Variants in HOATZ observed in about 807,000 individuals in gnomAD.
HOATZ encodes the protein HOATZ cilia and flagella associated protein, also known as cilia- and flagella-associated protein HOATZ.
A neutral mutation model predicts 24.9 loss-of-function variants in HOATZ; 26 were observed. The ratio of observed to expected loss-of-function variants is 1.04; its 90% CI spans 0.76 to 1.45. The LOEUF is 1.45. Ranked by LOEUF, HOATZ falls within the 40% of genes most tolerant of loss-of-function variation. The pLI is 0.00. For synonymous variants in HOATZ, 83 were observed against 76.6 expected, an observed-to-expected ratio of 1.08 and a Z score of -0.43; for missense variants, 226 against 201.5, an observed-to-expected ratio of 1.12 and a Z score of -0.74.
At chr11:111,519,629 A>C (rs1168408021) in intron 3 of HOATZ, among the ~76,000 whole-genome samples, 1 of 152,162 alleles carries the variant, frequency 6.6e-6, no homozygotes, top group African/African-American at 2.4e-5. Context: ...CCATTCTAGA[A>C]TTTTTAGCTT....
At chr11:111,531,466 G>A (rs1458274873) in intron 3 of HOATZ, among the ~76,000 whole-genome samples, 2 of 152,154 alleles carry the variant, frequency 1.3e-5, no homozygotes, top group Non-Finnish European at 2.9e-5. Flanking sequence ...GGTATAAAGT[G>A]CTATGTAATC....
intron 3 of HOATZ, among the ~76,000 whole-genome samples, chr11:111,527,255 A>AT (rs574174170): frequency 6.6e-6 from 1 of 152,170 alleles, no homozygotes; most frequent in Non-Finnish European, 1.5e-5. Flanking sequence ...GAAAATACAC[A>AT]TTTTTTTCTT....
intron 1 of HOATZ, 49 bp downstream of exon 1, chr11:111,515,059 T>A (rs1479609849): frequency 7.2e-7 from 1 of 1,392,590 alleles, no homozygotes; most frequent in Non-Finnish European, 1.0e-6. Flanking sequence ...TCACCGTAAC[T>A]GGCCTGCAGG....
intron 3 of HOATZ, chr11:111,519,192 T>C (rs996361416): frequency 3.4e-6 from 1 of 294,964 alleles, no homozygotes; most frequent in African/African-American, 2.2e-5. Flanking sequence ...ATGTAAGGTA[T>C]GTGAAGTGCC....
chr11:111,515,425 C>T (rs1293891948), intron 1 of HOATZ, 86 bp from the exon 2 acceptor site: 8 of 1,073,000 alleles, frequency 7.5e-6, no homozygotes, highest in Non-Finnish European at 1.2e-5. Flanking sequence ...AACTGTTATG[C>T]AATTGTTATA....
intron 5 of HOATZ, chr11:111,534,793 T>G: frequency 4.4e-6 from 1 of 229,530 alleles, no homozygotes; most frequent in Non-Finnish European, 8.5e-6. Context: ...CACTGTCCCC[T>G]ATCCACACCT....
intron 3 of HOATZ, among the ~76,000 whole-genome samples, chr11:111,517,746 A>G (rs1316021642): frequency 6.6e-6 from 1 of 152,222 alleles, no homozygotes; most frequent in East Asian, 1.9e-4. Context: ...AGTGTAACAA[A>G]TCAAGAAAGC....
intron 1 of HOATZ, 145 bp from the exon 2 acceptor site, chr11:111,515,366 C>T (rs1867174791): frequency 3.0e-6 from 2 of 659,970 alleles, no homozygotes; most frequent in Non-Finnish European, 5.4e-6. Flanking sequence ...TCAACATTAC[C>T]AATGAACTTC....
At chr11:111,518,962 T>C (rs1023960529) in intron 3 of HOATZ, 3 of 455,114 alleles carry the variant, frequency 6.6e-6, no homozygotes, top group African/African-American at 6.0e-5. Context: ...GTACAGTCTC[T>C]GATGTGTATT....
intron 3 of HOATZ, among the ~76,000 whole-genome samples, chr11:111,528,531 G>A (rs1867362785): frequency 6.6e-6 from 1 of 152,112 alleles, no homozygotes; most frequent in Admixed American, 6.6e-5. Context: ...ATCTTAGAAA[G>A]CTCCTCAGTT....
chr11:111,520,445 A>G (rs1198258385), intron 3 of HOATZ, among the ~76,000 whole-genome samples: 1 of 152,226 alleles, frequency 6.6e-6, no homozygotes, highest in Non-Finnish European at 1.5e-5. Context: ...CTGCAGAACA[A>G]TATCCCAGGT....
At chr11:111,523,862 T>C (rs1273764204) in intron 3 of HOATZ, among the ~76,000 whole-genome samples, 1 of 152,182 alleles carries the variant, frequency 6.6e-6, no homozygotes, top group Non-Finnish European at 1.5e-5. Flanking sequence ...CTCACATATC[T>C]CCTAGTCTGA....
In HOATZ at chr11:111,516,029, A is replaced by T. The variant is rs1867193139; in HGVS notation, c.269-11A>T. 6.6e-7 allele frequency: 1 copy of T among 1,519,926 alleles called. No individual in the cohort carries two copies. Among genetic ancestry groups the T allele is most frequent in the East Asian group, 2.3e-5 (1 of 44,024 alleles). The allele number at this position is 1,519,926 out of a possible 1,614,324, so 94.2% of individuals were successfully genotyped here. A position where few individuals can be genotyped will look rare whatever the true frequency, so the allele number is the denominator to read the frequency against. ...ATTATTTCAGATTGAATTTGACTTT[A>T]TTCCCTCTAGAAAATAGAGACATCT... On this transcript the variant is annotated splice_polypyrimidine_tract_variant and intron_variant, in intron 2 of 5. Coordinates refer to ENST00000375618, the MANE Select transcript of HOATZ (RefSeq NM_001100388.2).
chr11:111,527,443 A>G (rs1867351567), intron 3 of HOATZ, among the ~76,000 whole-genome samples: 1 of 152,234 alleles, frequency 6.6e-6, no homozygotes, highest in African/African-American at 2.4e-5. Flanking sequence ...TCCAGGAGGT[A>G]TAGAAAGGTG....
At chr11:111,533,429 T>C (rs958874133) in intron 3 of HOATZ, among the ~76,000 whole-genome samples, 33 of 152,128 alleles carry the variant, frequency 2.2e-4, no homozygotes, top group African/African-American at 7.5e-4. Flanking sequence ...TTAATAAATA[T>C]TAGTTTTTTT....
At chr11:111,515,080 C>G in intron 1 of HOATZ, 70 bp downstream of exon 1, 5 of 1,090,416 alleles carry the variant, frequency 4.6e-6, no homozygotes, top group Non-Finnish European at 2.8e-6. Context: ...TACCAGAGCC[C>G]TTTCCAGGAG....
intron 5 of HOATZ, 58 bp downstream of exon 5, chr11:111,534,522 C>T (rs973775466): frequency 3.8e-5 from 51 of 1,330,902 alleles, no homozygotes; most frequent in Non-Finnish European, 4.9e-5. Flanking sequence ...TGTAGGGAAG[C>T]ATTTCTTTTT....
intron 3 of HOATZ, among the ~76,000 whole-genome samples, chr11:111,529,466 C>T (rs181333692): frequency 6.6e-6 from 1 of 152,078 alleles, no homozygotes; most frequent in East Asian, 1.9e-4. Flanking sequence ...TGGGTTCAAG[C>T]GATTCTCCTG....
At chr11:111,525,085 G>C (rs1867321459) in intron 3 of HOATZ, 1 of 267,460 alleles carries the variant, frequency 3.7e-6, no homozygotes, top group African/African-American at 2.3e-5. Context: ...TGCCCAGGCT[G>C]GTCTTGAACT....
Sources: gnomAD v4.1 joint callset for allele counts (sites outside exome capture counted in the v4.1 genomes callset) on GRCh38, gnomAD v4.1.1 for gene constraint, MANE v1.5 for transcripts, NCBI Gene and HGNC (gene_info 2026-07-23, HGNC 2026-07-21) for gene names.